The following OSBP2 variants were observed in gnomAD, a reference collection of about 807,000 sequenced individuals.
OSBP2 encodes the protein oxysterol-binding protein 2.
Under a neutral mutation model 96.0 loss-of-function variants are expected in OSBP2, and 66 were observed. The ratio of observed to expected loss-of-function variants is 0.69; its 90% confidence interval spans 0.56 to 0.84. The LOEUF is 0.84. OSBP2 is among the 40% of genes least tolerant of loss of function. The pLI, the probability that OSBP2 is intolerant of heterozygous loss-of-function variation, is 0.00. For missense variants in OSBP2, 1,038 were observed against 1,222.7 expected (o/e 0.85, Z 2.25); for synonymous variants, 525 against 520.9 (o/e 1.01, Z -0.11).
intron 2 of OSBP2, among the ~76,000 whole-genome samples, chr22:30,850,977 A>G (rs567686475): frequency 2.0e-5 from 3 of 152,292 alleles, no homozygotes; most frequent in East Asian, 3.9e-4. Flanking sequence ...TCTTTAATTT[A>G]TCTTAGCCAT....
At chr22:30,869,663 G>T (rs999205109) in intron 2 of OSBP2, among the ~76,000 whole-genome samples, 1 of 152,208 alleles carries the variant, frequency 6.6e-6, no homozygotes, top group African/African-American at 2.4e-5. Context: ...AGCCTCCTGG[G>T]TAGCTGGGAC....
At chr22:30,782,005 G>T (rs2090524544) in intron 2 of OSBP2, among the ~76,000 whole-genome samples, 1 of 152,162 alleles carries the variant, frequency 6.6e-6, no homozygotes, top group Admixed American at 6.5e-5. Context: ...AGTTAGCCAG[G>T]CGTGGTGGTG....
At chr22:30,710,427 A>G (rs948813393) in intron 1 of OSBP2, among the ~76,000 whole-genome samples, 2 of 152,004 alleles carry the variant, frequency 1.3e-5, no homozygotes, top group African/African-American at 4.8e-5. Context: ...TGTGTTTCCC[A>G]CTACTGTCAT....
intron 1 of OSBP2, among the ~76,000 whole-genome samples, chr22:30,722,545 C>T (rs967563764): frequency 6.6e-6 from 1 of 152,084 alleles, no homozygotes; most frequent in Non-Finnish European, 1.5e-5. Context: ...CTAGTCAATA[C>T]TCAAATTTCC....
chr22:30,788,565 C>T (rs1271147858), intron 2 of OSBP2, among the ~76,000 whole-genome samples: 1 of 152,172 alleles, frequency 6.6e-6, no homozygotes, highest in East Asian at 1.9e-4. Context: ...ACATGCAGAG[C>T]TCCCACAATT....
chr22:30,863,489 A>G (rs1183472626), intron 2 of OSBP2, among the ~76,000 whole-genome samples: 1 of 152,164 alleles, frequency 6.6e-6, no homozygotes, highest in Non-Finnish European at 1.5e-5. Flanking sequence ...GACTGTGACA[A>G]AATAGGATGC....
intron 2 of OSBP2, among the ~76,000 whole-genome samples, chr22:30,791,412 C>T (rs187619983): frequency 6.8e-6 from 1 of 146,210 alleles, no homozygotes; most frequent in Admixed American, 6.8e-5. Flanking sequence ...CTGCAACCTC[C>T]ACCTCCCAGG....
At chr22:30,820,589 C>T (rs779383148) in intron 2 of OSBP2, among the ~76,000 whole-genome samples, 2 of 152,054 alleles carry the variant, frequency 1.3e-5, no homozygotes, top group African/African-American at 2.4e-5. Flanking sequence ...GCCTGGTGAC[C>T]CTGGGCAAGT....
At chr22:30,874,292 G>A (rs113243820) in intron 3 of OSBP2, among the ~76,000 whole-genome samples, 2 of 151,444 alleles carry the variant, frequency 1.3e-5, no homozygotes, top group African/African-American at 2.4e-5. Flanking sequence ...CATTCTTGTA[G>A]TCCCAGCTAC....
intron 2 of OSBP2, chr22:30,770,556 A>G (rs1411176862): frequency 1.3e-5 from 2 of 152,224 alleles, no homozygotes; most frequent in Non-Finnish European, 2.9e-5. Flanking sequence ...TTTTTTAAAA[A>G]TTATTTTTTC....
At position 30,827,300 on chromosome 22, in the gene OSBP2, G is replaced by A. The variant is rs565427210; in HGVS notation, c.854-43129G>A. On this transcript the variant is annotated intron_variant, in intron 2 of 13. Transcript: ENST00000332585. ...GGAAAGGAGGCCTCATGGTAGTGCT[G>A]ACCCCATTTATGTCTTCCCACACCG... 8.5e-5 allele frequency among the ~76,000 whole-genome samples: 13 copies of A among 152,224 alleles called. No homozygotes were observed. The East Asian group carries it at 2.5e-3, about 29-fold the overall frequency.
At chr22:30,782,479 C>T (rs961192808) in intron 2 of OSBP2, among the ~76,000 whole-genome samples, 5 of 152,312 alleles carry the variant, frequency 3.3e-5, no homozygotes, top group Admixed American at 1.3e-4. Flanking sequence ...TGAGCCACTG[C>T]GCCCGGCTGC....
At position 30,890,676 on chromosome 22, in the gene OSBP2, A is replaced by G. The variant is rs2147158431; in HGVS notation, c.1624-52A>G. The G allele has an allele frequency of 6.3e-7, 1 of 1,597,366 alleles. No individual in the cohort carries two copies. Among genetic ancestry groups the G allele is most frequent in the Admixed American group, 1.7e-5 (1 of 59,840 alleles). On this transcript the variant is annotated intron_variant, in intron 7 of 13. Coordinates refer to ENST00000332585, the MANE Select transcript of OSBP2 (RefSeq NM_030758.4). The surrounding 1 kb of genome is among the most constrained non-coding windows in gnomAD (Gnocchi z 4.4). ...AACATCCGAGAAAAGCAAGGGCACC[A>G]TGCCAAGCCGGGGCTGGTGCCCAGC...
intron 2 of OSBP2, among the ~76,000 whole-genome samples, chr22:30,765,917 T>C (rs1473958033): frequency 6.6e-6 from 1 of 152,200 alleles, no homozygotes; most frequent in Non-Finnish European, 1.5e-5. Flanking sequence ...AAATGGAATA[T>C]AAGCGTGAAT....
intron 2 of OSBP2, among the ~76,000 whole-genome samples, chr22:30,857,024 A>G (rs893261055): frequency 2.6e-5 from 4 of 152,150 alleles, no homozygotes; most frequent in African/African-American, 9.7e-5. Flanking sequence ...TCCTTCCTGA[A>G]TGTGGACCTT....
chr22:30,794,914 CTTT>C (rs74541007), intron 2 of OSBP2, among the ~76,000 whole-genome samples: 1 of 143,376 alleles, frequency 7.0e-6, no homozygotes. Context: ...TATATAACTA[CTTT>C]TTTTTTTTTT....
At chr22:30,736,168 C>G (rs779812254) in intron 1 of OSBP2, among the ~76,000 whole-genome samples, 1 of 152,202 alleles carries the variant, frequency 6.6e-6, no homozygotes, top group Non-Finnish European at 1.5e-5. Context: ...CCCACTTCGG[C>G]CTCCCAAAGT....
At chr22:30,821,436 C>A (rs959188364) in intron 2 of OSBP2, among the ~76,000 whole-genome samples, 7 of 152,162 alleles carry the variant, frequency 4.6e-5, no homozygotes, top group Admixed American at 1.3e-4. Context: ...CGGGTACAGC[C>A]ATCATGATGT....
intron 12 of OSBP2, among the ~76,000 whole-genome samples, chr22:30,896,030 T>G (rs568675272): frequency 1.3e-5 from 2 of 151,824 alleles, no homozygotes; most frequent in South Asian, 4.2e-4. Flanking sequence ...TTTGTTGTTG[T>G]TTGTTTTGAG....
Sources: gnomAD v4.1 joint callset for allele counts (sites outside exome capture counted in the v4.1 genomes callset) on GRCh38, gnomAD v4.1.1 for gene constraint, Gnocchi (gnomAD v3.1) non-coding constraint, MANE v1.5 for transcripts, NCBI Gene and HGNC (gene_info 2026-07-23, HGNC 2026-07-21) for gene names.